KIF6: variants seen among roughly 807,000 people sequenced by gnomAD.
KIF6 encodes kinesin family member 6, also known as kinesin-like protein KIF6.
In KIF6, 106 loss-of-function variants were observed where a neutral mutation model predicts 112.7. That is an observed-to-expected ratio of 0.94 (90% CI 0.80 to 1.11). The LOEUF (loss-of-function observed/expected upper bound fraction) is 1.11. Ranked by LOEUF, KIF6 falls within the 50% of genes least tolerant of loss-of-function variation. KIF6 has a pLI of 0.00. For missense variants in KIF6, 929 were observed against 964.0 expected (o/e 0.96, Z 0.48); for synonymous variants, 339 against 339.9 (o/e 1.00, Z 0.03).
intron 13 of KIF6, among the ~76,000 whole-genome samples, chr6:39,526,314 T>A (rs1777722531): frequency 6.6e-6 from 1 of 152,242 alleles, no homozygotes; most frequent in African/African-American, 2.4e-5. Flanking sequence ...GTTCTGATCA[T>A]ACCCTTTTCT....
intron 3 of KIF6, among the ~76,000 whole-genome samples, chr6:39,662,707 C>T (rs990827243): frequency 3.3e-5 from 5 of 151,556 alleles, no homozygotes; most frequent in Non-Finnish European, 4.4e-5. Flanking sequence ...GCCCCTATCT[C>T]AAAAAAAATT....
At chr6:39,639,032 C>A (rs1181874958) in intron 4 of KIF6, among the ~76,000 whole-genome samples, 1 of 151,978 alleles carries the variant, frequency 6.6e-6, no homozygotes, top group Non-Finnish European at 1.5e-5. Flanking sequence ...TCAGTATTCC[C>A]AACTGTGAAA....
At chr6:39,419,885 A>G in intron 15 of KIF6, 63 bp downstream of exon 15, 2 of 1,404,038 alleles carry the variant, frequency 1.4e-6, no homozygotes, top group Non-Finnish European at 2.0e-6. Context: ...GAGGCACATC[A>G]TGACCTGATT....
intron 6 of KIF6, among the ~76,000 whole-genome samples, chr6:39,607,262 C>T (rs969746696): frequency 4.6e-5 from 7 of 152,074 alleles, no homozygotes; most frequent in Admixed American, 6.6e-5. Flanking sequence ...CCATACCACT[C>T]ATTTATTTTA....
intron 13 of KIF6, among the ~76,000 whole-genome samples, chr6:39,519,731 A>ACAAAACAAAACAAAACAAAACAAAC (rs59401362): frequency 1.3e-5 from 2 of 151,868 alleles, no homozygotes. Context: ...ACAAAACAAA[A>ACAAAACAAAACAAAACAAAACAAAC]ACAAGCCAGC....
intron 13 of KIF6, among the ~76,000 whole-genome samples, chr6:39,534,352 C>G (rs991061582): frequency 1.3e-5 from 2 of 152,126 alleles, no homozygotes; most frequent in African/African-American, 2.4e-5. Context: ...ATAACCAATA[C>G]AGAGAAGTGC....
chr6:39,457,726 A>G (rs371768498), intron 13 of KIF6, among the ~76,000 whole-genome samples: 2 of 152,102 alleles, frequency 1.3e-5, no homozygotes, highest in Admixed American at 6.6e-5. Flanking sequence ...ACTACCATCA[A>G]AGAATACTAC....
intron 13 of KIF6, among the ~76,000 whole-genome samples, chr6:39,530,842 T>C (rs1260798231): frequency 2.6e-5 from 4 of 152,180 alleles, no homozygotes; most frequent in Admixed American, 6.5e-5. Flanking sequence ...CAAAACAACA[T>C]ACTTATTAAT....
At chr6:39,366,751 G>A (rs1393932286) in intron 16 of KIF6, among the ~76,000 whole-genome samples, 2 of 152,182 alleles carry the variant, frequency 1.3e-5, no homozygotes, top group Non-Finnish European at 2.9e-5. Flanking sequence ...AATCGTGGTG[G>A]GAGCTGAAGT....
At chr6:39,404,614 C>T (rs1358513334) in intron 15 of KIF6, among the ~76,000 whole-genome samples, 1 of 152,244 alleles carries the variant, frequency 6.6e-6, no homozygotes, top group African/African-American at 2.4e-5. Flanking sequence ...ACTTCTCCAG[C>T]TTTATTCTTC....
At position 39,568,044 on chromosome 6, in the gene KIF6, G is replaced by A. The variant is rs61702641; in HGVS notation, c.1181+10012C>T. The stretch of plus-strand genomic sequence containing the variant: ...CCAGGCAGAGTATTCACTAATTCAT[G>A]CAACAAATATTTACTACTGAGAGCC... On this transcript the variant is annotated intron_variant, in intron 10 of 22. Coordinates refer to ENST00000287152, the MANE Select transcript of KIF6 (RefSeq NM_145027.6). Among the ~76,000 whole-genome samples the A allele has an allele frequency of 1.4e-3, 206 of 152,322 alleles. 1 individual carries two copies. The highest frequency in any genetic ancestry group is 4.8e-3 in the African/African-American group (201 of 41,562).
chr6:39,531,675 C>T (rs1364416382), intron 13 of KIF6, among the ~76,000 whole-genome samples: 1 of 152,162 alleles, frequency 6.6e-6, no homozygotes, highest in Non-Finnish European at 1.5e-5. Flanking sequence ...GTTCTTGTCT[C>T]CATGAAAAGC....
chr6:39,705,610 C>A lies in KIF6; in HGVS notation c.251+9082G>T, dbSNP rs73732181. On this transcript the variant is annotated intron_variant, in intron 3 of 22. Transcript: ENST00000287152. The stretch of plus-strand genomic sequence containing the variant: ...ACAGTGAACAAAGGTAAAGAGGAGA[C>A]CTTGCCTCCATGAAGTTTAATTCAC... 9.4e-3 allele frequency among the ~76,000 whole-genome samples: 1,424 copies of A among 152,246 alleles called. 20 individuals are homozygous for A. Among genetic ancestry groups the A allele is most frequent in the African/African-American group, 0.032 (1,315 of 41,530 alleles).
At chr6:39,686,005 T>C (rs1787843005) in intron 3 of KIF6, among the ~76,000 whole-genome samples, 1 of 152,232 alleles carries the variant, frequency 6.6e-6, no homozygotes, top group Non-Finnish European at 1.5e-5. Flanking sequence ...TTAATGACTT[T>C]TTTTGAAATT....
intron 16 of KIF6, among the ~76,000 whole-genome samples, chr6:39,369,906 C>T (rs1275352011): frequency 2.6e-5 from 4 of 152,194 alleles, no homozygotes; most frequent in Admixed American, 6.5e-5. Context: ...CTGCATTTCT[C>T]TTATCACCAC....
At chr6:39,567,736 T>C (rs141151118) in intron 10 of KIF6, among the ~76,000 whole-genome samples, 2,237 of 151,946 alleles carry the variant, frequency 0.015, 54 homozygotes, top group African/African-American at 0.05. Context: ...GCCTCCCGAG[T>C]AGCTGGGACT....
chr6:39,345,544 C>T (rs1763633303), intron 21 of KIF6, among the ~76,000 whole-genome samples, 156 bp downstream of exon 21: 1 of 152,148 alleles, frequency 6.6e-6, no homozygotes, highest in African/African-American at 2.4e-5. Flanking sequence ...GTGAGAGATT[C>T]CAGGGAATTC....
At chr6:39,401,624 G>A (rs182570925) in intron 15 of KIF6, among the ~76,000 whole-genome samples, 2 of 152,094 alleles carry the variant, frequency 1.3e-5, no homozygotes, top group African/African-American at 2.4e-5. Flanking sequence ...TCCTCCCGGG[G>A]CAGGGGATTT....
At chr6:39,360,672 T>A in intron 17 of KIF6, 142 bp from the exon 18 acceptor site, 1 of 873,300 alleles carries the variant, frequency 1.1e-6, no homozygotes, top group Non-Finnish European at 1.7e-6. Context: ...CTATAGGAGC[T>A]TCGGAGGCCA....
Sources: gnomAD v4.1 joint callset for allele counts (sites outside exome capture counted in the v4.1 genomes callset) on GRCh38, gnomAD v4.1.1 for gene constraint, MANE v1.5 for transcripts, NCBI Gene and HGNC (gene_info 2026-07-23, HGNC 2026-07-21) for gene names.